GNAQ: variants seen among roughly 807,000 people sequenced by gnomAD.
GNAQ encodes the protein G protein subunit alpha q.
Under a neutral mutation model 43.9 loss-of-function variants are expected in GNAQ, and 8 were observed. That is an observed-to-expected ratio of 0.18 (90% confidence interval 0.11 to 0.33). GNAQ has a LOEUF of 0.33. GNAQ is among the 10% of genes least tolerant of loss of function. The probability of loss-of-function intolerance (pLI) is 1.00; values close to 1 mark genes in which losing one functional copy is unlikely to be tolerated. For synonymous variants in GNAQ, 155 were observed against 170.7 expected, an observed-to-expected ratio of 0.91 and a Z score of 0.71; for missense variants, 158 against 450.8, an observed-to-expected ratio of 0.35 and a Z score of 5.88.
At chr9:77,771,778 T>C (rs1346796170) in intron 5 of GNAQ, among the ~76,000 whole-genome samples, 1 of 152,210 alleles carries the variant, frequency 6.6e-6, no homozygotes, top group Non-Finnish European at 1.5e-5. Flanking sequence ...GGAAGAAATG[T>C]TGCATACTGA....
chr9:78,024,744 C>T (rs1823956395), intron 1 of GNAQ, among the ~76,000 whole-genome samples: 1 of 152,138 alleles, frequency 6.6e-6, no homozygotes, highest in Non-Finnish European at 1.5e-5. Context: ...AGGAGCATCT[C>T]ACACAGCACA....
At chr9:77,867,720 G>A (rs1827970557) in intron 2 of GNAQ, among the ~76,000 whole-genome samples, 1 of 152,146 alleles carries the variant, frequency 6.6e-6, no homozygotes, top group Admixed American at 6.5e-5. Flanking sequence ...CATATGTGCA[G>A]GAGAACAATC....
At chr9:77,832,351 A>T (rs1827313000) in intron 2 of GNAQ, among the ~76,000 whole-genome samples, 1 of 152,146 alleles carries the variant, frequency 6.6e-6, no homozygotes, top group African/African-American at 2.4e-5. Flanking sequence ...ATGTTATGAT[A>T]CAAAGTAGAT....
At chr9:77,752,866 C>G (rs1313188374) in intron 5 of GNAQ, among the ~76,000 whole-genome samples, 2 of 152,074 alleles carry the variant, frequency 1.3e-5, no homozygotes, top group African/African-American at 4.8e-5. Flanking sequence ...GCAGGCAGAT[C>G]ATGAAGTCAG....
chr9:77,930,330 G>A (rs1829131132), intron 1 of GNAQ, among the ~76,000 whole-genome samples: 1 of 152,066 alleles, frequency 6.6e-6, no homozygotes, highest in Non-Finnish European at 1.5e-5. Flanking sequence ...CTATGAACTT[G>A]CCCTTTCATT....
chr9:77,775,503 G>A (rs1210515046), intron 5 of GNAQ, among the ~76,000 whole-genome samples: 13 of 149,154 alleles, frequency 8.7e-5, no homozygotes, highest in East Asian at 2.0e-4. Flanking sequence ...TCTGCCTCCC[G>A]GGTTCACGCC....
intron 2 of GNAQ, among the ~76,000 whole-genome samples, chr9:77,828,513 T>C (rs886093742): frequency 5.9e-5 from 9 of 152,224 alleles, no homozygotes; most frequent in Non-Finnish European, 1.3e-4. Flanking sequence ...AGCACAATTG[T>C]TGGGCACCAA....
At chr9:77,918,332 C>T (rs1828945443) in intron 2 of GNAQ, among the ~76,000 whole-genome samples, 1 of 152,152 alleles carries the variant, frequency 6.6e-6, no homozygotes, top group Non-Finnish European at 1.5e-5. Flanking sequence ...TACTAAAAAC[C>T]AAATGGTTAT....
intron 1 of GNAQ, among the ~76,000 whole-genome samples, chr9:77,936,159 A>G (rs1829229474): frequency 6.6e-6 from 1 of 152,208 alleles, no homozygotes; most frequent in African/African-American, 2.4e-5. Context: ...AAAACGAGGA[A>G]GTGAAACCAA....
chr9:77,921,604 G>C (rs1828997702), intron 2 of GNAQ, among the ~76,000 whole-genome samples: 1 of 152,182 alleles, frequency 6.6e-6, no homozygotes. Context: ...GGTTTTAGAA[G>C]TTTCTGTTAC....
chr9:77,726,617 T>C (rs796554806), intron 6 of GNAQ, among the ~76,000 whole-genome samples: 7 of 152,340 alleles, frequency 4.6e-5, no homozygotes, highest in African/African-American at 1.7e-4. Context: ...ACAAAAACAC[T>C]GTGGAATGAT....
intron 1 of GNAQ, among the ~76,000 whole-genome samples, chr9:77,993,299 A>C (rs1382201791): frequency 6.6e-6 from 1 of 152,236 alleles, no homozygotes; most frequent in Non-Finnish European, 1.5e-5. Flanking sequence ...AGACTATATC[A>C]GATATTTCAG....
At chr9:77,811,162 G>A (rs1272937661) in intron 3 of GNAQ, among the ~76,000 whole-genome samples, 1 of 152,058 alleles carries the variant, frequency 6.6e-6, no homozygotes, top group African/African-American at 2.4e-5. Flanking sequence ...CCTACCACTA[G>A]AGACAGGCAG....
chr9:77,963,806 A>G (rs968382329), intron 1 of GNAQ, among the ~76,000 whole-genome samples: 3 of 152,178 alleles, frequency 2.0e-5, no homozygotes, highest in African/African-American at 7.2e-5. Context: ...CAAAAAAAGG[A>G]CAATTCTGTG....
intron 1 of GNAQ, among the ~76,000 whole-genome samples, chr9:77,933,526 T>C (rs542674014): frequency 6.6e-6 from 1 of 152,070 alleles, no homozygotes; most frequent in Non-Finnish European, 1.5e-5. Context: ...ACGCCTGTGG[T>C]CCCAGACACT....
At chr9:77,929,675 A>G (rs997441202) in intron 1 of GNAQ, among the ~76,000 whole-genome samples, 2 of 152,060 alleles carry the variant, frequency 1.3e-5, no homozygotes, top group Non-Finnish European at 2.9e-5. Context: ...TACTAAAAAT[A>G]CAAAAAAAAA....
chr9:77,875,829 A>C (rs901224552), intron 2 of GNAQ, among the ~76,000 whole-genome samples: 7 of 152,178 alleles, frequency 4.6e-5, no homozygotes, highest in African/African-American at 1.4e-4. Context: ...GATCAGACTA[A>C]CTAGTTTAAC....
chr9:77,737,557 T>C (rs938335896), intron 5 of GNAQ, among the ~76,000 whole-genome samples: 28 of 152,216 alleles, frequency 1.8e-4, no homozygotes, highest in African/African-American at 6.8e-4. Flanking sequence ...CAGATTTACC[T>C]TCACACTTTA....
intron 2 of GNAQ, among the ~76,000 whole-genome samples, chr9:77,831,646 T>A (rs1190220758): frequency 1.3e-5 from 2 of 152,180 alleles, no homozygotes; most frequent in African/African-American, 4.8e-5. Flanking sequence ...TAATATTTGG[T>A]TTTGTTGCTA....
Sources: gnomAD v4.1 joint callset for allele counts (sites outside exome capture counted in the v4.1 genomes callset) on GRCh38, gnomAD v4.1.1 for gene constraint, MANE v1.5 for transcripts, NCBI Gene and HGNC (gene_info 2026-07-23, HGNC 2026-07-21) for gene names.